Variants in MBNL3 observed in about 807,000 individuals in gnomAD.
MBNL3 encodes the protein muscleblind like splicing regulator 3, also known as muscleblind-like protein 3.
In MBNL3, 6 loss-of-function variants were observed where a neutral mutation model predicts 24.5. That is an observed-to-expected ratio of 0.25 (90% CI 0.13 to 0.48). The LOEUF (loss-of-function observed/expected upper bound fraction) is 0.48. Ranked by LOEUF, MBNL3 falls within the 20% of genes least tolerant of loss-of-function variation. The pLI is 0.99. For synonymous variants in MBNL3, 100 were observed against 101.7 expected, an observed-to-expected ratio of 0.98 and a Z score of 0.10; for missense variants, 230 against 293.5, an observed-to-expected ratio of 0.78 and a Z score of 1.58.
chrX:132,445,844 G>A (rs764158910), intron 1 of MBNL3, among the ~76,000 whole-genome samples: 34 of 110,912 alleles, frequency 3.1e-4, no homozygotes, highest in African/African-American at 9.5e-4. Context: ...TGTGCGGAAC[G>A]TGCAGGTTTG....
At position 132,483,201 on chromosome X, in the gene MBNL3, T is replaced by C. The variant is rs1048251842; in HGVS notation, c.-704+5650A>G. Among the ~76,000 whole-genome samples the C allele has an allele frequency of 1.2e-4, 13 of 111,957 alleles. No individual in the cohort carries two copies. The Admixed American group carries it at 1.2e-3, about 11-fold the overall frequency. On this transcript the variant is annotated intron_variant, in intron 1 of 8. Coordinates refer to ENST00000370853, the MANE Select transcript of MBNL3 (RefSeq NM_001386889.1). ...AATTTTTAAAATATCAATGTACCCT[T>C]TAACAAAACAGCACCCCCAACTGGG...
intron 1 of MBNL3, among the ~76,000 whole-genome samples, chrX:132,474,923 TG>T (rs766509992): frequency 9.0e-6 from 1 of 111,507 alleles, no homozygotes; most frequent in East Asian, 2.8e-4. Context: ...ACCTTTTCAG[TG>T]CCAAAACCAG....
chrX:132,472,449 T>C (rs1484123680), intron 1 of MBNL3, among the ~76,000 whole-genome samples: 2 of 112,002 alleles, frequency 1.8e-5, no homozygotes, highest in Non-Finnish European at 3.8e-5. Flanking sequence ...GCAAGGTACT[T>C]AGCATCCTAA....
chrX:132,392,175 C>A lies in MBNL3; in HGVS notation c.502G>T (p.Gly168Cys). ...NPPLAMPGAV[G>C]PKLMRSDKLE... is the part of the protein sequence containing the mutation. ...TTATCTGAACGCATCAGTTTTGGGC[C>A]AACAGCTCCTGGCATTGCAAGAGGT... is the stretch of plus-strand genomic sequence containing the variant. The change falls in exon 4 of 9, where the codon GGC becomes TGC. Residue 168 changes from glycine (G) to cysteine (C), a missense_variant. Physicochemically the swap from Gly to Cys is radical, Grantham distance 159. Transcript: ENST00000370853. 1.7e-6 allele frequency: 2 copies of A among 1,207,002 alleles called. No homozygotes were observed. The highest frequency in any genetic ancestry group is 2.2e-6 in the Non-Finnish European group (2 of 893,714).
At chrX:132,443,984 T>TC (rs762809506) in intron 1 of MBNL3, among the ~76,000 whole-genome samples, 63 of 6,153 alleles carry the variant, frequency 0.01, no homozygotes, top group East Asian at 0.021. Context: ...GACTCCAGAG[T>TC]CCGCCCCCCC....
In MBNL3 at chrX:132,423,467, C is replaced by G. The variant is rs763892018; in HGVS notation, c.177+15968G>C. On this transcript the variant is annotated intron_variant, in intron 2 of 8. Transcript: ENST00000370853. ...TAAAAAAAACATACCTAGAAAAAGA[C>G]AAGCTAAAAGGAGGAAAATACTTTC... Among the ~76,000 whole-genome samples, 7 of 110,945 alleles carry G rather than the reference C, an allele frequency of 6.3e-5. No homozygotes were observed. The South Asian group carries it at 1.5e-3, about 24-fold the overall frequency.
chrX:132,395,566 C>G (rs995350462), intron 3 of MBNL3, among the ~76,000 whole-genome samples: 2 of 111,391 alleles, frequency 1.8e-5, no homozygotes, highest in Non-Finnish European at 3.8e-5. Flanking sequence ...GTGGTGGCAA[C>G]AGACTTTATG....
At position 132,439,488 on chromosome X, in the gene MBNL3, T is replaced by C. The variant is rs780986655; in HGVS notation, c.124A>G (p.Arg42Gly). 1 of 1,208,363 alleles carries C rather than the reference T, an allele frequency of 8.3e-7. No individual in the cohort carries two copies. Among genetic ancestry groups the C allele is most frequent in the Non-Finnish European group, 1.1e-6 (1 of 893,991 alleles). The change falls in exon 2 of 9, where the codon AGA (arginine) becomes GGA (glycine). Residue 42 changes from arginine (R) to glycine (G), a missense_variant. Transcript: ENST00000370853. The part of the protein sequence containing the change: ...DADCKFAHPP[R>G]VCHVENGRVV... The stretch of plus-strand genomic sequence containing the variant: ...CGACCATTTTCCACATGGCAAACTC[T>C]TGGTGGATGGGCAAACTTGCAATCT...
chrX:132,458,535 A>G (rs1004898846), intron 1 of MBNL3, among the ~76,000 whole-genome samples: 4 of 111,091 alleles, frequency 3.6e-5, no homozygotes, highest in Non-Finnish European at 7.6e-5. Flanking sequence ...TCATAGTGGG[A>G]AGTGGAAGAA....
chrX:132,382,140 G>C, intron 8 of MBNL3, 38 bp downstream of exon 8: 1 of 1,145,148 alleles, frequency 8.7e-7, no homozygotes. Flanking sequence ...AAACATTGTA[G>C]TTATCTTGAT....
chrX:132,487,659 TGAA>T (rs1255297287), intron 1 of MBNL3, among the ~76,000 whole-genome samples: 1 of 112,482 alleles, frequency 8.9e-6, no homozygotes, highest in East Asian at 2.8e-4. Context: ...AGTCTATATT[TGAA>T]GAAGTGTTGG....
At chrX:132,424,144 A>G (rs758143631) in intron 2 of MBNL3, among the ~76,000 whole-genome samples, 1 of 112,153 alleles carries the variant, frequency 8.9e-6, no homozygotes, top group South Asian at 3.7e-4. Context: ...TTTTCTGGCA[A>G]CACTAAATAG....
intron 3 of MBNL3, among the ~76,000 whole-genome samples, chrX:132,396,254 C>A (rs1938220246): frequency 9.7e-6 from 1 of 103,433 alleles, no homozygotes; most frequent in African/African-American, 3.5e-5. Flanking sequence ...AGTTCACCGA[C>A]CTTGGTTCTA....
chrX:132,375,116 C>T lies in MBNL3; in HGVS notation c.*4550G>A, dbSNP rs1934011866. ...CTTTGGGATTAAAAAAGAACTCAAC[C>T]ATGTCTGTTTTCATAGTTTTGAGCT... On this transcript the variant is annotated 3_prime_UTR_variant, in exon 9 of 9. Coordinates refer to ENST00000370853, the MANE Select transcript of MBNL3 (RefSeq NM_001386889.1). 1 of 111,051 alleles carries T rather than the reference C, an allele frequency of 9.0e-6. No homozygotes were observed. The highest frequency in any genetic ancestry group is 1.9e-5 in the Non-Finnish European group (1 of 52,813). 9.2% of individuals were successfully genotyped at this position (111,051 alleles called of 1,213,427 possible).
intron 2 of MBNL3, among the ~76,000 whole-genome samples, chrX:132,424,795 G>GTTT (rs772429282): frequency 7.5e-5 from 7 of 93,551 alleles, no homozygotes; most frequent in African/African-American, 2.7e-4. Context: ...CTTTCCTTCT[G>GTTT]TTTTTTTTTT....
chrX:132,405,070 C>T (rs1941560331), intron 3 of MBNL3, among the ~76,000 whole-genome samples: 1 of 110,780 alleles, frequency 9.0e-6, no homozygotes, highest in Admixed American at 9.5e-5. Context: ...TATTTTAAGG[C>T]ATAGGGCAAG....
intron 1 of MBNL3, among the ~76,000 whole-genome samples, chrX:132,461,842 A>G (rs768076828): frequency 7.1e-5 from 8 of 112,251 alleles, no homozygotes; most frequent in Non-Finnish European, 1.3e-4. Context: ...CAGATGATTC[A>G]GAAAATGCAA....
Position 132,375,876 on chromosome X carries a change from G to A in MBNL3, c.*3790C>T, listed in dbSNP as rs1014455736. On this transcript the variant is annotated 3_prime_UTR_variant, in exon 9 of 9. Coordinates refer to ENST00000370853, the MANE Select transcript of MBNL3 (RefSeq NM_001386889.1). Reference sequence around the variant, plus strand: ...ATCCTTATCTATACTCTGCAATGAGGGGGACAAAGAACCAAATAACATTTC... The same window carrying A: ...ATCCTTATCTATACTCTGCAATGAGAGGGACAAAGAACCAAATAACATTTC... The A allele has an allele frequency of 2.7e-5, 3 of 111,553 alleles. No homozygotes were observed. Among genetic ancestry groups the A allele is most frequent in the African/African-American group, 6.5e-5 (2 of 30,742 alleles). The allele number at this position is 111,553 out of a possible 1,213,427, so 9.2% of individuals were successfully genotyped here.
intron 3 of MBNL3, among the ~76,000 whole-genome samples, chrX:132,394,081 A>G (rs1197503705): frequency 9.0e-6 from 1 of 111,495 alleles, no homozygotes; most frequent in Non-Finnish European, 1.9e-5. Flanking sequence ...TCTGGCACCA[A>G]AAAACTGGCA....
Sources: gnomAD v4.1 joint callset for allele counts (sites outside exome capture counted in the v4.1 genomes callset) on GRCh38, gnomAD v4.1.1 for gene constraint, MANE v1.5 for transcripts, NCBI Gene and HGNC (gene_info 2026-07-23, HGNC 2026-07-21) for gene names.